The following OPRM1 variants were observed in gnomAD, a reference collection of about 807,000 sequenced individuals.
OPRM1 encodes opioid receptor mu 1.
In OPRM1, 27 loss-of-function variants were observed where a neutral mutation model predicts 31.8. The ratio of observed to expected loss-of-function variants is 0.85; its 90% CI spans 0.63 to 1.17. The LOEUF (loss-of-function observed/expected upper bound fraction) is 1.17. OPRM1 is among the 50% of genes most tolerant of loss of function. The pLI is 0.00. For synonymous variants in OPRM1, 196 were observed against 189.9 expected, an observed-to-expected ratio of 1.03 and a Z score of -0.26; for missense variants, 536 against 511.1, an observed-to-expected ratio of 1.05 and a Z score of -0.47.
At chr6:154,170,311 G>A (rs1026881133) in intron 3 of OPRM1, among the ~76,000 whole-genome samples, 3 of 152,158 alleles carry the variant, frequency 2.0e-5, no homozygotes, top group Admixed American at 6.5e-5. Flanking sequence ...TAGAAAGTAT[G>A]GCATTAGAGG....
At chr6:154,180,414 A>ATATATATTTTTTT (rs1241250621) in intron 3 of OPRM1, among the ~76,000 whole-genome samples, 12 of 65,254 alleles carry the variant, frequency 1.8e-4, no homozygotes, top group African/African-American at 3.8e-4. Flanking sequence ...ATATATATAT[A>ATATATATTTTTTT]TTTTTTTTTT....
intron 1 of OPRM1, among the ~76,000 whole-genome samples, chr6:154,059,361 T>C (rs1440247113): frequency 6.6e-6 from 1 of 152,210 alleles, no homozygotes; most frequent in East Asian, 1.9e-4. Context: ...GCCTCAATTG[T>C]GATCTAAAGG....
chr6:154,091,287 G>T lies in OPRM1; in HGVS notation c.979G>T (p.Gly327Cys), dbSNP rs749956714. The T allele has an allele frequency of 9.9e-6, 16 of 1,614,054 alleles. No homozygotes were observed. In the Admixed American group the frequency reaches 1.2e-4, roughly 12 times the overall value. Reference protein sequence around the residue: ...TVSWHFCIALGYTNSCLNPVL... With the variant: ...TVSWHFCIALCYTNSCLNPVL... ...TTCTTGGCACTTCTGCATTGCTCTA[G>T]GTTACACAAACAGCTGCCTCAACCC... is the stretch of plus-strand genomic sequence containing the variant. The change falls in exon 3 of 4, where the codon GGT becomes TGT. Residue 327 changes from glycine to cysteine, a missense_variant. Physicochemically the swap from Gly to Cys is radical, Grantham distance 159. Transcript: ENST00000330432.
intron 3 of OPRM1, among the ~76,000 whole-genome samples, chr6:154,169,258 G>C (rs1018245001): frequency 6.6e-6 from 1 of 152,158 alleles, no homozygotes; most frequent in African/African-American, 2.4e-5. Flanking sequence ...CTACTCAGGA[G>C]ACTGAGACAC....
chr6:154,138,629 C>A (rs1037289822), intron 3 of OPRM1, among the ~76,000 whole-genome samples: 1 of 152,204 alleles, frequency 6.6e-6, no homozygotes, highest in Non-Finnish European at 1.5e-5. Context: ...CATCTTGCCT[C>A]TAACCTCCAA....
chr6:154,187,132 C>A (rs1801443160), intron 3 of OPRM1, among the ~76,000 whole-genome samples: 2 of 152,138 alleles, frequency 1.3e-5, no homozygotes, highest in South Asian at 2.1e-4. Flanking sequence ...GAAGACTCTT[C>A]CCCAAATATT....
At chr6:154,193,027 C>G (rs1250097515) in intron 3 of OPRM1, among the ~76,000 whole-genome samples, 1 of 152,134 alleles carries the variant, frequency 6.6e-6, no homozygotes, top group African/African-American at 2.4e-5. Context: ...GATATCTACT[C>G]ACAGGAAAAG....
At chr6:154,240,555 C>T (rs916728201) in intron 3 of OPRM1, among the ~76,000 whole-genome samples, 1 of 151,016 alleles carries the variant, frequency 6.6e-6, no homozygotes, top group South Asian at 2.1e-4. Flanking sequence ...TTTACTGAAA[C>T]TTGCAGAATA....
intron 3 of OPRM1, among the ~76,000 whole-genome samples, chr6:154,224,485 A>G (rs1196695809): frequency 1.3e-5 from 2 of 152,074 alleles, no homozygotes; most frequent in Non-Finnish European, 2.9e-5. Context: ...AGGAGGGTGG[A>G]TCACTTGCGG....
At chr6:154,090,310 A>G in intron 2 of OPRM1, 132 bp downstream of exon 2, 2 of 647,156 alleles carry the variant, frequency 3.1e-6, no homozygotes, top group Non-Finnish European at 5.2e-6. Context: ...TCTTCCTAGC[A>G]AAAAAAGCCT....
chr6:154,210,233 CA>C (rs1777856418), intron 3 of OPRM1, among the ~76,000 whole-genome samples: 1 of 152,134 alleles, frequency 6.6e-6, no homozygotes, highest in African/African-American at 2.4e-5. Flanking sequence ...ATGCTCTTAG[CA>C]AAGTAACCTG....
intron 1 of OPRM1, among the ~76,000 whole-genome samples, chr6:154,027,485 GC>G (rs1393052756): frequency 3.9e-5 from 6 of 152,272 alleles, no homozygotes; most frequent in Admixed American, 3.9e-4. Flanking sequence ...CCTGGCTGTG[GC>G]CTATGTTCAC....
At chr6:154,223,093 C>T in intron 3 of OPRM1, 1 of 1,157,238 alleles carries the variant, frequency 8.6e-7, no homozygotes, top group African/African-American at 1.5e-5. Flanking sequence ...ACTTCTAAAT[C>T]ACCATATCCC....
chr6:154,144,356 A>C (rs1418370077), intron 3 of OPRM1, among the ~76,000 whole-genome samples: 1 of 152,256 alleles, frequency 6.6e-6, no homozygotes, highest in Non-Finnish European at 1.5e-5. Flanking sequence ...TAAAGATAGC[A>C]CCAAAAAAAT....
At chr6:154,243,687 T>C (rs4295493) in intron 3 of OPRM1, among the ~76,000 whole-genome samples, 124,998 of 152,202 alleles carry the variant, frequency 0.82, 52,105 homozygotes, top group Middle Eastern at 0.87. Flanking sequence ...GTGGTCTTAA[T>C]TGTGTCATGT....
chr6:154,237,217 G>A (rs531992370), intron 3 of OPRM1, among the ~76,000 whole-genome samples: 2 of 152,290 alleles, frequency 1.3e-5, no homozygotes, highest in East Asian at 3.9e-4. Context: ...CATCCCATGG[G>A]CCACTTGGCA....
At chr6:154,063,990 A>G (rs895171446) in intron 1 of OPRM1, among the ~76,000 whole-genome samples, 1 of 151,844 alleles carries the variant, frequency 6.6e-6, no homozygotes, top group Non-Finnish European at 1.5e-5. Context: ...CGTGTTTTCA[A>G]TTTCTTTGGG....
chr6:154,236,065 A>G (rs1376723573), intron 3 of OPRM1, among the ~76,000 whole-genome samples: 1 of 152,194 alleles, frequency 6.6e-6, no homozygotes, highest in African/African-American at 2.4e-5. Context: ...GTATAAAACC[A>G]AGGGAATTGA....
At chr6:154,108,101 G>T in intron 3 of OPRM1, 1 of 618,920 alleles carries the variant, frequency 1.6e-6, no homozygotes, top group Non-Finnish European at 2.9e-6. Context: ...TTCCCTGAGC[G>T]GCCCTAGTGA....
Sources: allele counts gnomAD v4.1 joint callset (sites outside exome capture counted in the v4.1 genomes callset), GRCh38; gene constraint gnomAD v4.1.1; transcripts MANE v1.5; gene names NCBI Gene and HGNC (gene_info 2026-07-23, HGNC 2026-07-21).